The following CUL2 variants were observed in gnomAD, a reference collection of about 807,000 sequenced individuals.
CUL2 encodes the protein cullin-2.
Under a neutral mutation model 110.2 loss-of-function variants are expected in CUL2, and 22 were observed. The ratio of observed to expected loss-of-function variants is 0.20; its 90% CI spans 0.14 to 0.28. CUL2 has a LOEUF of 0.28. CUL2 is among the 10% of genes least tolerant of loss of function. CUL2 has a pLI of 1.00. For missense variants in CUL2, 631 were observed against 905.5 expected, an observed-to-expected ratio of 0.70 and a Z score of 3.89; for synonymous variants, 279 against 293.2, an observed-to-expected ratio of 0.95 and a Z score of 0.49.
intron 1 of CUL2, chr10:35,089,810 GCC>G (rs72412550): frequency 0.29 from 43,127 of 150,122 alleles, 6,829 homozygotes; most frequent in South Asian, 0.35. Context: ...TGCATGAGAT[GCC>G]CCCCCCCACA....
At chr10:35,074,651 A>C (rs773647836) in intron 1 of CUL2, among the ~76,000 whole-genome samples, 1 of 151,876 alleles carries the variant, frequency 6.6e-6, no homozygotes, top group Non-Finnish European at 1.5e-5. Context: ...ATCGCACCCT[A>C]ATTTTTGTAT....
At chr10:35,060,359 G>A (rs1286327088) in intron 4 of CUL2, among the ~76,000 whole-genome samples, 3 of 152,188 alleles carry the variant, frequency 2.0e-5, no homozygotes, top group African/African-American at 7.2e-5. Context: ...GGAAAGGCAG[G>A]AAGATGGGAG....
intron 2 of CUL2, among the ~76,000 whole-genome samples, chr10:35,063,416 T>C (rs558656946): frequency 6.6e-6 from 1 of 152,290 alleles, no homozygotes; most frequent in South Asian, 2.1e-4. Flanking sequence ...ATCAATAGTA[T>C]CAATGATATT....
intron 10 of CUL2, 55 bp downstream of exon 10, chr10:35,035,117 G>A (rs1322339283): frequency 3.1e-6 from 5 of 1,597,188 alleles, no homozygotes; most frequent in Non-Finnish European, 4.3e-6. Context: ...CAAAGGAAAG[G>A]CTCCACGCTG....
intron 1 of CUL2, chr10:35,074,081 C>T (rs2086754052): frequency 4.8e-6 from 5 of 1,040,786 alleles, no homozygotes; most frequent in Middle Eastern, 4.0e-4. Context: ...ATACTTACTC[C>T]TTGCCAGGCA....
intron 4 of CUL2, among the ~76,000 whole-genome samples, chr10:35,060,430 G>T (rs1464225768): frequency 6.6e-6 from 1 of 152,166 alleles, no homozygotes; most frequent in African/African-American, 2.4e-5. Context: ...GGGGAATGCA[G>T]AACTTCAAGG....
chr10:35,018,288 C>CAAAAA (rs11357517), intron 17 of CUL2, among the ~76,000 whole-genome samples: 3 of 75,242 alleles, frequency 4.0e-5, no homozygotes, highest in African/African-American at 6.2e-5. Flanking sequence ...CTCCATCTCA[C>CAAAAA]AAAAAAAAAA....
At chr10:35,060,777 T>C (rs2086362073) in intron 4 of CUL2, 97 bp downstream of exon 4, 2 of 926,418 alleles carry the variant, frequency 2.2e-6, no homozygotes, top group East Asian at 2.5e-5. Context: ...TAGTTTTGCA[T>C]ATGTGAATGA....
At chr10:35,017,097 T>C (rs776499011) in intron 17 of CUL2, among the ~76,000 whole-genome samples, 35 of 152,150 alleles carry the variant, frequency 2.3e-4, no homozygotes, top group Non-Finnish European at 4.7e-4. Context: ...GTGCTGTCGA[T>C]AGCTGGGCTC....
chr10:35,119,679 T>G (rs2087654452), intron 1 of CUL2, among the ~76,000 whole-genome samples: 1 of 151,986 alleles, frequency 6.6e-6, no homozygotes, highest in Non-Finnish European at 1.5e-5. Context: ...CAAGGGATCC[T>G]CCTGCCTCAG....
At chr10:35,059,613 C>G (rs1364821122) in intron 4 of CUL2, among the ~76,000 whole-genome samples, 1 of 152,172 alleles carries the variant, frequency 6.6e-6, no homozygotes, top group East Asian at 1.9e-4. Context: ...GCAATATTCC[C>G]TTTACATGTG....
At chr10:35,041,410 A>G (rs1737259566) in intron 8 of CUL2, among the ~76,000 whole-genome samples, 1 of 152,182 alleles carries the variant, frequency 6.6e-6, no homozygotes, top group South Asian at 2.1e-4. Flanking sequence ...CAAAGCTATA[A>G]GAGGAACGCA....
At chr10:35,102,966 G>A (rs534035181) in intron 1 of CUL2, among the ~76,000 whole-genome samples, 2 of 152,022 alleles carry the variant, frequency 1.3e-5, no homozygotes, top group African/African-American at 4.8e-5. Flanking sequence ...TATTAAAATC[G>A]AAGTTGAACA....
intron 17 of CUL2, among the ~76,000 whole-genome samples, chr10:35,018,998 T>C (rs2085118547): frequency 6.6e-6 from 1 of 152,274 alleles, no homozygotes; most frequent in East Asian, 1.9e-4. Context: ...ATCCAATTCA[T>C]AGAAACAGCT....
intron 8 of CUL2, among the ~76,000 whole-genome samples, chr10:35,040,737 G>A (rs908841143): frequency 6.6e-6 from 1 of 152,250 alleles, no homozygotes; most frequent in Middle Eastern, 3.4e-3. Flanking sequence ...GAGTGCGGGC[G>A]GCATTGGTGG....
At chr10:35,084,303 T>C (rs1466692517) in intron 1 of CUL2, among the ~76,000 whole-genome samples, 2 of 152,062 alleles carry the variant, frequency 1.3e-5, no homozygotes, top group East Asian at 1.9e-4. Flanking sequence ...ACAGTATCAG[T>C]CTGAATTTTT....
At chr10:35,075,177 G>A (rs1489568076) in intron 1 of CUL2, among the ~76,000 whole-genome samples, 3 of 152,138 alleles carry the variant, frequency 2.0e-5, no homozygotes, top group Non-Finnish European at 4.4e-5. Flanking sequence ...GGAAGCCAAC[G>A]TGCAAGAAGC....
At chr10:35,016,090 A>G in intron 18 of CUL2, 102 bp downstream of exon 18, 2 of 960,114 alleles carry the variant, frequency 2.1e-6, no homozygotes, top group Non-Finnish European at 3.1e-6. Context: ...AGTGCTTTCC[A>G]GAGCACAATA....
intron 1 of CUL2, among the ~76,000 whole-genome samples, chr10:35,083,755 C>T (rs2086994937): frequency 6.6e-6 from 1 of 152,208 alleles, no homozygotes; most frequent in Admixed American, 6.5e-5. Flanking sequence ...GTAATCCCAA[C>T]ACTTTGGGAA....
Sources: gnomAD v4.1 joint callset for allele counts (sites outside exome capture counted in the v4.1 genomes callset) on GRCh38, gnomAD v4.1.1 for gene constraint, MANE v1.5 for transcripts, NCBI Gene and HGNC (gene_info 2026-07-23, HGNC 2026-07-21) for gene names.